Variants in PDE10A observed in about 807,000 individuals in gnomAD.
PDE10A encodes phosphodiesterase 10A, also known as cAMP and cAMP-inhibited cGMP 3',5'-cyclic phosphodiesterase 10A.
In PDE10A, 39 loss-of-function variants were observed where a neutral mutation model predicts 97.7. The ratio of observed to expected loss-of-function variants is 0.40; its 90% CI spans 0.31 to 0.52. The LOEUF (loss-of-function observed/expected upper bound fraction) is 0.52. Ranked by LOEUF, PDE10A falls within the 20% of genes least tolerant of loss-of-function variation. The probability of loss-of-function intolerance (pLI) is 0.56; values close to 1 mark genes in which losing one functional copy is unlikely to be tolerated. For synonymous variants in PDE10A, 371 were observed against 376.8 expected (o/e 0.98, Z 0.18); for missense variants, 731 against 1,047.8 (o/e 0.70, Z 4.17).
chr6:165,972,144 T>G (rs1784698507), intron 1 of PDE10A, among the ~76,000 whole-genome samples: 1 of 152,084 alleles, frequency 6.6e-6, no homozygotes, highest in African/African-American at 2.4e-5. Flanking sequence ...GAATAAGGAT[T>G]GAGAATTAGG....
At chr6:165,702,732 G>A (rs895397257) in intron 1 of PDE10A, among the ~76,000 whole-genome samples, 3 of 152,120 alleles carry the variant, frequency 2.0e-5, no homozygotes, top group East Asian at 1.9e-4. Flanking sequence ...CCCATCTGTC[G>A]CCCCTCCAGG....
At chr6:165,854,848 C>T (rs1241354733) in intron 1 of PDE10A, among the ~76,000 whole-genome samples, 3 of 152,102 alleles carry the variant, frequency 2.0e-5, no homozygotes, top group Admixed American at 6.5e-5. Flanking sequence ...CCACTCCTGG[C>T]GGGGCTGGGT....
chr6:165,694,620 G>A (rs1791396612), intron 1 of PDE10A, among the ~76,000 whole-genome samples: 2 of 152,258 alleles, frequency 1.3e-5, no homozygotes, highest in African/African-American at 4.8e-5. Flanking sequence ...TACCACAGTG[G>A]ACGCTGCTGC....
chr6:165,761,465 T>C (rs921057602), intron 1 of PDE10A, among the ~76,000 whole-genome samples: 11 of 152,344 alleles, frequency 7.2e-5, no homozygotes, highest in African/African-American at 2.2e-4. Context: ...CCACAAGATG[T>C]CTGCTGGGCC....
chr6:165,815,675 T>A (rs531894990), intron 1 of PDE10A, among the ~76,000 whole-genome samples: 4 of 152,040 alleles, frequency 2.6e-5, no homozygotes, highest in Non-Finnish European at 5.9e-5. Flanking sequence ...TTTTTTCTGG[T>A]TTTTCCCCCC....
intron 1 of PDE10A, among the ~76,000 whole-genome samples, chr6:165,549,356 T>C (rs9365892): frequency 0.1 from 15,337 of 152,192 alleles, 1,067 homozygotes; most frequent in East Asian, 0.31. Context: ...ACAGAGTCTC[T>C]CTGTGTCACC....
rs1792301609 is a variant in PDE10A, at chr6:165,726,585, G to T, written c.-614-183017C>A. ...AGCCACGATGCCCGCTCCCCCCGGTGGTCCACACCTCCTGACAGGCACCGC... is the reference window on the plus strand; with the variant it reads ...AGCCACGATGCCCGCTCCCCCCGGTTGTCCACACCTCCTGACAGGCACCGC... On this transcript the variant is annotated intron_variant, in intron 1 of 19. Transcript: ENST00000366882. 2.0e-5 allele frequency among the ~76,000 whole-genome samples: 3 copies of T among 152,162 alleles called. No individual in the cohort carries two copies. In the South Asian group the frequency reaches 6.2e-4, roughly 32 times the overall value.
intron 1 of PDE10A, among the ~76,000 whole-genome samples, chr6:165,623,748 C>T (rs1374784901): frequency 8.9e-5 from 9 of 101,658 alleles, no homozygotes; most frequent in Non-Finnish European, 1.9e-5. Flanking sequence ...TGGGCATTCA[C>T]CCCTGACCAA....
At chr6:165,835,675 C>A (rs1780045964) in intron 1 of PDE10A, among the ~76,000 whole-genome samples, 1 of 152,232 alleles carries the variant, frequency 6.6e-6, no homozygotes, top group Non-Finnish European at 1.5e-5. Context: ...GAGGACCCTG[C>A]AGGGCTGAGA....
At chr6:165,448,041 T>A (rs1368096414) in intron 5 of PDE10A, among the ~76,000 whole-genome samples, 1 of 152,232 alleles carries the variant, frequency 6.6e-6, no homozygotes, top group Non-Finnish European at 1.5e-5. Context: ...TTTGTCTCTA[T>A]TCCTAGTAAC....
At position 165,711,004 on chromosome 6, in the gene PDE10A, G is replaced by A. The variant is rs1334394838; in HGVS notation, c.-614-167436C>T. On this transcript the variant is annotated intron_variant, in intron 1 of 19. Coordinates refer to the PDE10A transcript ENST00000366882. This position sits in a 1 kb window ranked among gnomAD's most constrained non-coding sequence, Gnocchi z 4.5. ...CCCGTGGGAGGCGGAACGGCAGAGCGGGTTTCCTTTTTACCTGGCGCACTG... is the reference window on the plus strand; with the variant it reads ...CCCGTGGGAGGCGGAACGGCAGAGCAGGTTTCCTTTTTACCTGGCGCACTG... Among the ~76,000 whole-genome samples, 5 of 152,350 alleles carry A rather than the reference G, an allele frequency of 3.3e-5. No individual in the cohort carries two copies. The highest frequency in any genetic ancestry group is 4.1e-4 in the South Asian group (2 of 4,828).
Position 165,511,733 on chromosome 6 carries a change from C to A in PDE10A, c.995-29390G>T, listed in dbSNP as rs150029017. On this transcript the variant is annotated intron_variant, in intron 2 of 21. Coordinates refer to ENST00000539869, the MANE Select transcript of PDE10A (RefSeq NM_001385079.1). ...GCACAAATATTTAGAGTTATTATAT[C>A]CTCTTGAAGAATTGATCTCTTTATC... 5.9e-3 allele frequency among the ~76,000 whole-genome samples: 894 copies of A among 151,958 alleles called. 7 individuals are homozygous for A. The highest frequency in any genetic ancestry group is 9.0e-3 in the Non-Finnish European group (611 of 67,866).
intron 3 of PDE10A, 114 bp from the exon 4 acceptor site, chr6:165,450,476 A>G: frequency 2.3e-6 from 1 of 437,680 alleles, no homozygotes; most frequent in South Asian, 8.1e-5. Flanking sequence ...TAAGTTATTC[A>G]TTATGCTTTT....
At chr6:165,542,704 C>G (rs931155705) in intron 2 of PDE10A, among the ~76,000 whole-genome samples, 1 of 148,972 alleles carries the variant, frequency 6.7e-6, no homozygotes, top group Non-Finnish European at 1.5e-5. Flanking sequence ...CTGCAAGCTC[C>G]GCCTCCCGGG....
chr6:165,644,201 G>A (rs1277912477), intron 1 of PDE10A, among the ~76,000 whole-genome samples: 2 of 150,938 alleles, frequency 1.3e-5, no homozygotes, highest in South Asian at 2.1e-4. Flanking sequence ...GACTACAGGC[G>A]CCCGCCACCA....
chr6:165,925,206 C>A (rs143296549), intron 1 of PDE10A, among the ~76,000 whole-genome samples: 1 of 152,152 alleles, frequency 6.6e-6, no homozygotes, highest in African/African-American at 2.4e-5. Flanking sequence ...TCACTATACA[C>A]CTGTCACAAT....
chr6:165,417,866 A>C lies in PDE10A; in HGVS notation c.1796+769T>G, dbSNP rs568907939. Among the ~76,000 whole-genome samples the C allele has an allele frequency of 2.6e-5, 4 of 152,330 alleles. No homozygotes were observed. In the South Asian group the frequency reaches 8.3e-4, roughly 32 times the overall value. On this transcript the variant is annotated intron_variant, in intron 11 of 21. Transcript: ENST00000539869. ...TTAAGAAGACACAGTGTTTTGCCAG[A>C]ATGGTGTTATTACCAGAGAACTTTA...
At chr6:165,634,192 G>A (rs80285711) in intron 1 of PDE10A, among the ~76,000 whole-genome samples, 1,540 of 152,218 alleles carry the variant, frequency 0.01, 27 homozygotes, top group African/African-American at 0.035. Context: ...CAATGCCTCC[G>A]ATCAGCGGAT....
At chr6:165,734,214 C>T (rs994987996) in intron 1 of PDE10A, among the ~76,000 whole-genome samples, 2 of 152,184 alleles carry the variant, frequency 1.3e-5, no homozygotes, top group African/African-American at 2.4e-5. Flanking sequence ...GAATCCCAAA[C>T]TCATACAGTA....
Sources: gnomAD v4.1 joint callset for allele counts (sites outside exome capture counted in the v4.1 genomes callset) on GRCh38, gnomAD v4.1.1 for gene constraint, Gnocchi (gnomAD v3.1) non-coding constraint, MANE v1.5 for transcripts, NCBI Gene and HGNC (gene_info 2026-07-23, HGNC 2026-07-21) for gene names.